Variants in P2RY8 observed in about 807,000 individuals in gnomAD.
The protein encoded by P2RY8 is P2Y receptor family member 8.
A neutral mutation model predicts 10.0 loss-of-function variants in P2RY8; 6 were observed. The ratio of observed to expected loss-of-function variants is 0.60; its 90% confidence interval spans 0.33 to 1.19. P2RY8 has a LOEUF of 1.19. P2RY8 is among the 50% of genes most tolerant of loss of function. The pLI is 0.04. For synonymous variants in P2RY8, 276 were observed against 252.5 expected (o/e 1.09, Z -0.88); for missense variants, 456 against 542.0 (o/e 0.84, Z 1.58).
Position 1,531,152 on chromosome X carries a change from C to T in P2RY8, c.-25+5769G>A, listed in dbSNP as rs550981153. 3.1e-3 allele frequency among the ~76,000 whole-genome samples: 474 copies of T among 152,148 alleles called. 1 individual carries two copies. The highest frequency in any genetic ancestry group is 5.6e-3 in the Non-Finnish European group (382 of 67,994). ...AGTGATAGATGAGCAAGTGATTTTG[C>T]TACCTGGAGACATTGAGTAATATCT... On this transcript the variant is annotated intron_variant, in intron 1 of 1. Coordinates refer to ENST00000381297, the MANE Select transcript of P2RY8 (RefSeq NM_178129.5).
chrX:1,485,704 C>CAATATACATGTATATATGT (rs1713851120), intron 1 of P2RY8, among the ~76,000 whole-genome samples: 1 of 146,880 alleles, frequency 6.8e-6, no homozygotes, highest in African/African-American at 2.5e-5. Flanking sequence ...ATAAATTAAA[C>CAATATACATGTATATATGT]ATGTTATATT....
At chrX:1,509,161 T>TTCTATCTATCTATCTATCTATCTA (rs56651378) in intron 1 of P2RY8, among the ~76,000 whole-genome samples, 18 of 144,478 alleles carry the variant, frequency 1.2e-4, no homozygotes, top group South Asian at 2.2e-4. Context: ...TATCCATCCA[T>TTCTATCTATCTATCTATCTATCTA]TCTATCTATC....
chrX:1,517,393 C>G (rs2092359289), intron 1 of P2RY8, among the ~76,000 whole-genome samples: 1 of 152,164 alleles, frequency 6.6e-6, no homozygotes, highest in African/African-American at 2.4e-5. Flanking sequence ...TAAACCACCT[C>G]AGCCTTCAGC....
intron 1 of P2RY8, among the ~76,000 whole-genome samples, chrX:1,495,473 C>T (rs1410088178): frequency 6.6e-6 from 1 of 150,982 alleles, no homozygotes; most frequent in African/African-American, 2.4e-5. Context: ...TGTGAGGACA[C>T]AGGGAGAAGA....
intron 1 of P2RY8, among the ~76,000 whole-genome samples, chrX:1,493,429 AGGGAG>A (rs2092082307): frequency 2.5e-5 from 1 of 39,722 alleles, no homozygotes; most frequent in Non-Finnish European, 5.1e-5. Context: ...AGGAAGGAGG[AGGGAG>A]GGAAGGAGGA....
At chrX:1,492,739 G>A (rs1251002785) in intron 1 of P2RY8, among the ~76,000 whole-genome samples, 1 of 152,126 alleles carries the variant, frequency 6.6e-6, no homozygotes, top group Admixed American at 6.6e-5. Context: ...TGGGCTCCCA[G>A]TTGAGGGACA....
chrX:1,467,772 C>T (rs2091710218), intron 1 of P2RY8, among the ~76,000 whole-genome samples: 1 of 152,182 alleles, frequency 6.6e-6, no homozygotes, highest in Non-Finnish European at 1.5e-5. Flanking sequence ...CAACGCCTGG[C>T]CTCAAGCAAT....
At chrX:1,492,233 C>T (rs1326130255) in intron 1 of P2RY8, among the ~76,000 whole-genome samples, 2 of 152,180 alleles carry the variant, frequency 1.3e-5, no homozygotes, top group Non-Finnish European at 2.9e-5. Context: ...GCCTGTCAAT[C>T]ACCCAAGAGA....
At chrX:1,486,375 T>C (rs757584507) in intron 1 of P2RY8, among the ~76,000 whole-genome samples, 1 of 152,262 alleles carries the variant, frequency 6.6e-6, no homozygotes, top group South Asian at 2.1e-4. Flanking sequence ...AGTGGAATAG[T>C]ATACAGCCAT....
At chrX:1,498,233 C>T (rs375055711) in intron 1 of P2RY8, among the ~76,000 whole-genome samples, 11 of 151,506 alleles carry the variant, frequency 7.3e-5, no homozygotes, top group South Asian at 2.1e-4. Context: ...GCTGAAACCC[C>T]GTCTCTACTG....
chrX:1,530,630 C>G (rs1569538892), intron 1 of P2RY8, among the ~76,000 whole-genome samples: 1 of 150,550 alleles, frequency 6.6e-6, no homozygotes, highest in African/African-American at 2.4e-5. Flanking sequence ...ATCTATCTAT[C>G]CTATCTATCT....
intron 1 of P2RY8, among the ~76,000 whole-genome samples, chrX:1,502,464 A>G (rs1383725935): frequency 6.6e-6 from 1 of 151,664 alleles, no homozygotes; most frequent in African/African-American, 2.4e-5. Flanking sequence ...CTCTCTGGGG[A>G]CCCTGTTTGC....
intron 1 of P2RY8, among the ~76,000 whole-genome samples, chrX:1,515,712 C>T (rs1401930796): frequency 2.0e-5 from 3 of 152,136 alleles, no homozygotes; most frequent in South Asian, 2.1e-4. Context: ...ATCCTATACC[C>T]TCTGGCTCTT....
intron 1 of P2RY8, among the ~76,000 whole-genome samples, chrX:1,475,846 G>A (rs1194793757): frequency 6.6e-6 from 1 of 152,164 alleles, no homozygotes; most frequent in African/African-American, 2.4e-5. Context: ...GTTGAGAAAT[G>A]TCCAACACTA....
At chrX:1,471,746 G>A (rs1409457157) in intron 1 of P2RY8, among the ~76,000 whole-genome samples, 2 of 152,144 alleles carry the variant, frequency 1.3e-5, no homozygotes, top group Admixed American at 1.3e-4. Context: ...GGGTTGGGAT[G>A]AGAAATAGAC....
intron 1 of P2RY8, among the ~76,000 whole-genome samples, chrX:1,534,361 G>A (rs1436661846): frequency 6.6e-6 from 1 of 151,296 alleles, no homozygotes; most frequent in Non-Finnish European, 1.5e-5. Context: ...GAGCGACATT[G>A]TGAACCGCAG....
chrX:1,480,231 G>T (rs1271203911), intron 1 of P2RY8, among the ~76,000 whole-genome samples: 4 of 152,106 alleles, frequency 2.6e-5, no homozygotes. Flanking sequence ...AGCCTGAAGG[G>T]TGAGAGGTTT....
chrX:1,482,860 G>A lies in P2RY8; in HGVS notation c.-24-16278C>T, dbSNP rs763184966. 9.3e-5 allele frequency among the ~76,000 whole-genome samples: 14 copies of A among 151,202 alleles called. No individual in the cohort carries two copies. The East Asian group carries it at 1.6e-3, about 17-fold the overall frequency. On this transcript the variant is annotated intron_variant, in intron 1 of 1. Transcript: ENST00000381297. Reference sequence around the variant, plus strand: ...TCGCAAGGACAAAAAACCAAACACTGCATGTTCTCACTCATAGGTGGGAAT... The same window carrying A: ...TCGCAAGGACAAAAAACCAAACACTACATGTTCTCACTCATAGGTGGGAAT...
intron 1 of P2RY8, among the ~76,000 whole-genome samples, chrX:1,472,432 G>GTGGA (rs372621992): frequency 7.1e-6 from 1 of 140,322 alleles, no homozygotes; most frequent in African/African-American, 2.7e-5. Context: ...ACATGGGTGG[G>GTGGA]TGGATGGATG....
Sources: gnomAD v4.1 joint callset for allele counts (sites outside exome capture counted in the v4.1 genomes callset) on GRCh38, gnomAD v4.1.1 for gene constraint, MANE v1.5 for transcripts, NCBI Gene and HGNC (gene_info 2026-07-23, HGNC 2026-07-21) for gene names.